INVS: variants seen among roughly 807,000 people sequenced by gnomAD.
The protein encoded by INVS is inversin.
In INVS, 86 loss-of-function variants were observed where a neutral mutation model predicts 108.8. The ratio of observed to expected loss-of-function variants is 0.79; its 90% confidence interval spans 0.66 to 0.95. INVS has a LOEUF of 0.95. Among genes scored for constraint, INVS ranks in the 40% least tolerant of loss-of-function variants. The pLI, the probability that INVS is intolerant of heterozygous loss-of-function variation, is 0.00. For synonymous variants in INVS, 455 were observed against 473.5 expected, an observed-to-expected ratio of 0.96 and a Z score of 0.51; for missense variants, 1,169 against 1,297.4, an observed-to-expected ratio of 0.90 and a Z score of 1.52.
chr9:100,114,139 G>C (rs1002625301), intron 2 of INVS, among the ~76,000 whole-genome samples: 1 of 152,028 alleles, frequency 6.6e-6, no homozygotes, highest in East Asian at 1.9e-4. Flanking sequence ...TTTCACCCTT[G>C]TTCGTATACA....
Position 100,300,954 on chromosome 9 carries a change from G to A in INVS, c.*280G>A, listed in dbSNP as rs1313650645. The A allele has an allele frequency of 4.7e-6, 2 of 429,994 alleles. No individual in the cohort carries two copies. Among genetic ancestry groups the A allele is most frequent in the African/African-American group, 2.0e-5 (1 of 50,202 alleles). 26.6% of individuals were successfully genotyped at this position (429,994 alleles called of 1,614,324 possible). A position where few individuals can be genotyped will look rare whatever the true frequency, so the allele number is the denominator to read the frequency against. On this transcript the variant is annotated 3_prime_UTR_variant, in exon 17 of 17. Transcript: ENST00000262457. ...GTCTGCTTTCACCTCAGTCTGTACA[G>A]TTGGAAATGAGAATTCATAATTAAC...
rs995736901 is a variant in INVS, at chr9:100,279,155, C to T, written c.1785-5165C>T. Among the ~76,000 whole-genome samples, 11 of 151,970 alleles carry T rather than the reference C, an allele frequency of 7.2e-5. 1 individual carries two copies. The highest frequency in any genetic ancestry group is 2.4e-4 in the African/African-American group (10 of 41,346). ...AAACATACCCGTAAGAAATGGAAGC[C>T]GGATTGAATAATGTGGATTTTAGAT... On this transcript the variant is annotated intron_variant, in intron 12 of 16. Transcript: ENST00000262457.
chr9:100,104,262 A>G (rs970269419), intron 1 of INVS, among the ~76,000 whole-genome samples: 9 of 151,614 alleles, frequency 5.9e-5, no homozygotes, highest in Non-Finnish European at 7.4e-5. Flanking sequence ...AGACAGCCTC[A>G]CTATCTTGCC....
chr9:100,263,522 C>T (rs1832694007), intron 10 of INVS, among the ~76,000 whole-genome samples: 3 of 152,156 alleles, frequency 2.0e-5, no homozygotes, highest in African/African-American at 7.2e-5. Context: ...CTGTATAATT[C>T]TTACACTCAC....
intron 3 of INVS, among the ~76,000 whole-genome samples, chr9:100,224,011 A>G (rs1831226952): frequency 6.6e-6 from 1 of 152,218 alleles, no homozygotes; most frequent in Non-Finnish European, 1.5e-5. Flanking sequence ...CCATACATAA[A>G]ATAGCACTAA....
chr9:100,165,996 T>C (rs902746219), intron 3 of INVS, among the ~76,000 whole-genome samples: 3 of 152,166 alleles, frequency 2.0e-5, no homozygotes, highest in African/African-American at 7.2e-5. Context: ...CTTGCGGATT[T>C]TTTTAAGCAA....
At chr9:100,123,122 A>G (rs1020490372) in intron 2 of INVS, among the ~76,000 whole-genome samples, 1 of 152,204 alleles carries the variant, frequency 6.6e-6, no homozygotes. Flanking sequence ...TTCACATACT[A>G]TACAATTCAA....
At chr9:100,129,499 A>C (rs574420656) in intron 3 of INVS, among the ~76,000 whole-genome samples, 52 of 152,292 alleles carry the variant, frequency 3.4e-4, no homozygotes, top group African/African-American at 1.3e-3. Context: ...GCCTCAAAAA[A>C]AAATGTAAAT....
chr9:100,102,695 G>A (rs1362804189), intron 1 of INVS: 7 of 152,434 alleles, frequency 4.6e-5, no homozygotes, highest in Admixed American at 4.6e-4. Context: ...TCAATATGGT[G>A]ATCTCCCAGG....
chr9:100,193,479 G>A (rs1280983514), intron 3 of INVS, among the ~76,000 whole-genome samples: 1 of 152,078 alleles, frequency 6.6e-6, no homozygotes, highest in Non-Finnish European at 1.5e-5. Flanking sequence ...GAATGTAATT[G>A]ATATGTAACA....
At chr9:100,295,143 G>A (rs970255878) in intron 14 of INVS, among the ~76,000 whole-genome samples, 23 of 152,166 alleles carry the variant, frequency 1.5e-4, no homozygotes, top group African/African-American at 5.1e-4. Context: ...GGTTTACCAC[G>A]CCAGACCCCA....
rs564394014 is a variant in INVS at position 100,140,691 on chromosome 9, T to C, written c.273+14142T>C. ...GATGGTACGGAGAGATAATGGGCGA[T>C]GTTTCTTAGGGCTGCTTCGAGCGGA... On this transcript the variant is annotated intron_variant, in intron 3 of 16. Coordinates refer to ENST00000262457, the MANE Select transcript of INVS (RefSeq NM_014425.5). Among the ~76,000 whole-genome samples the C allele has an allele frequency of 1.3e-3, 202 of 152,228 alleles. 1 individual carries two copies. The highest frequency in any genetic ancestry group is 4.6e-3 in the African/African-American group (191 of 41,536).
chr9:100,155,760 T>A (rs570524430), intron 3 of INVS, among the ~76,000 whole-genome samples: 2 of 152,252 alleles, frequency 1.3e-5, no homozygotes, highest in Non-Finnish European at 2.9e-5. Flanking sequence ...GTAATAATAC[T>A]GTTACTGTTA....
chr9:100,162,715 C>T (rs911641374), intron 3 of INVS, among the ~76,000 whole-genome samples: 2 of 151,982 alleles, frequency 1.3e-5, no homozygotes, highest in African/African-American at 2.4e-5. Context: ...GTAATCCCAG[C>T]TACTCAGGAG....
intron 3 of INVS, among the ~76,000 whole-genome samples, chr9:100,210,369 T>TGAAGCTGTCTTTATATAGCAC (rs1361587508): frequency 6.6e-6 from 1 of 152,188 alleles, no homozygotes; most frequent in Non-Finnish European, 1.5e-5. Context: ...GAGTAAGATT[T>TGAAGCTGTCTTTATATAGCAC]GAAGCTGTCT....
chr9:100,287,369 A>C (rs1018448273), intron 13 of INVS, among the ~76,000 whole-genome samples: 3 of 152,216 alleles, frequency 2.0e-5, no homozygotes, highest in Non-Finnish European at 4.4e-5. Context: ...TCCCAGACCA[A>C]ATGATGTCGA....
At chr9:100,226,880 A>G (rs541126466) in intron 4 of INVS, among the ~76,000 whole-genome samples, 1 of 151,880 alleles carries the variant, frequency 6.6e-6, no homozygotes, top group South Asian at 2.1e-4. Flanking sequence ...ACAGGGAGTC[A>G]TAATAGTTAC....
intron 5 of INVS, among the ~76,000 whole-genome samples, chr9:100,236,134 C>T (rs1831680146): frequency 6.6e-6 from 1 of 152,184 alleles, no homozygotes; most frequent in African/African-American, 2.4e-5. Flanking sequence ...ATCCTTTCCT[C>T]CACTTGATCG....
intron 5 of INVS, among the ~76,000 whole-genome samples, chr9:100,232,199 G>GT (rs567105278): frequency 5.6e-4 from 84 of 148,874 alleles, no homozygotes; most frequent in African/African-American, 9.3e-4. Flanking sequence ...TTTTTAATGA[G>GT]TTTTTTTTTT....
Sources: allele counts gnomAD v4.1 joint callset (sites outside exome capture counted in the v4.1 genomes callset), GRCh38; gene constraint gnomAD v4.1.1; transcripts MANE v1.5; gene names NCBI Gene and HGNC (gene_info 2026-07-23, HGNC 2026-07-21).